Variants in SIPA1 observed in about 807,000 individuals in gnomAD.
The protein encoded by SIPA1 is signal-induced proliferation-associated protein 1.
In SIPA1, 51 loss-of-function variants were observed where a neutral mutation model predicts 88.1. The observed-to-expected ratio is 0.58, with a 90% CI of 0.46 to 0.73. SIPA1 has a LOEUF of 0.73. Ranked by LOEUF, SIPA1 falls within the 30% of genes least tolerant of loss-of-function variation. The pLI, the probability that SIPA1 is intolerant of heterozygous loss-of-function variation, is 0.00. For missense variants in SIPA1, 1,348 were observed against 1,467.6 expected (o/e 0.92, Z 1.33); for synonymous variants, 681 against 664.8 (o/e 1.02, Z -0.37).
chr11:65,648,889 C>T (rs1856193024), intron 9 of SIPA1, among the ~76,000 whole-genome samples: 1 of 151,802 alleles, frequency 6.6e-6, no homozygotes. Flanking sequence ...GAAACTGGCA[C>T]ATCTGCTTTA....
intron 4 of SIPA1, 124 bp from the exon 5 acceptor site, chr11:65,644,831 G>C: frequency 1.1e-6 from 1 of 944,820 alleles, no homozygotes; most frequent in Non-Finnish European, 1.6e-6. Flanking sequence ...TGACAGGCAA[G>C]GGCACAAGTG....
chr11:65,646,252 T>C lies in SIPA1; in HGVS notation c.1295T>C (p.Ile432Thr). The change falls in exon 7 of 16, where the codon ATT becomes ACT. Residue 432 changes from isoleucine to threonine, a missense_variant. By Grantham distance (89) the Ile-to-Thr change is moderately conservative (BLOSUM62 -1). Transcript: ENST00000534313. The surrounding 1 kb of genome is among the most constrained non-coding windows in gnomAD (Gnocchi z 7.5). The part of the protein sequence containing the change: ...LLRKRHIGND[I>T]VTIVFQEPGS... The stretch of plus-strand genomic sequence containing the variant: ...CGGAAGCGCCACATTGGCAACGACA[T>C]TGTGACCATCGTGTTCCAGGAGCCT... 6.2e-7 allele frequency: 1 copy of C among 1,614,108 alleles called. No homozygotes were observed. The highest frequency in any genetic ancestry group is 8.5e-7 in the Non-Finnish European group (1 of 1,179,984).
Position 65,649,799 on chromosome 11 carries a change from C to A in SIPA1, c.2680C>A (p.Pro894Thr). Residue 894 changes from proline to threonine, a missense_variant, in exon 12 of 16, where the codon CCG (proline) becomes ACG (threonine). By Grantham distance (38) the Pro-to-Thr change is conservative. Transcript: ENST00000534313. ...SPSGSEDKGN[P>T]APELRASFLP... ...CAGTGGCTCTGAGGACAAGGGCAAC[C>A]CGGCGCCGGAGCTGAGGGCCTCCTT... 1 of 1,614,082 alleles carries A rather than the reference C, an allele frequency of 6.2e-7. No individual in the cohort carries two copies. The highest frequency in any genetic ancestry group is 8.5e-7 in the Non-Finnish European group (1 of 1,180,044).
Position 65,649,300 on chromosome 11 carries a change from C to T in SIPA1, c.2345C>T (p.Pro782Leu), listed in dbSNP as rs1404275816. 6.4e-7 allele frequency: 1 copy of T among 1,553,980 alleles called. No homozygotes were observed. The change falls in exon 10 of 16, where the codon CCT becomes CTT. Residue 782 changes from proline (P) to leucine (L), a missense_variant. Coordinates refer to ENST00000534313, the MANE Select transcript of SIPA1 (RefSeq NM_006747.4). ...CTGTACACGCTGTCGCTGCAGGAGC[C>T]TAGCCGGCGGGGGGCCCCAGATCCT... ...SELYTLSLQE[P>L]SRRGAPDPVQ...
At chr11:65,638,883 G>A (rs549351378) in intron 1 of SIPA1, among the ~76,000 whole-genome samples, 2 of 152,182 alleles carry the variant, frequency 1.3e-5, no homozygotes, top group Non-Finnish European at 2.9e-5. Context: ...ACTTCCAAGC[G>A]TGCAGAGCTC....
In SIPA1 at chr11:65,650,651, G is replaced by A. The variant is rs934903924; in HGVS notation, c.3065G>A (p.Ser1022Asn). The A allele has an allele frequency of 1.3e-6, 2 of 1,574,742 alleles. No individual in the cohort carries two copies. The highest frequency in any genetic ancestry group is 4.7e-5 in the East Asian group (2 of 42,698). ...CGGCGGCTGCAGGCGGAGTCTGAGA[G>A]TGCAGCCACACGCCTCCTCCTGGCC... The part of the protein sequence containing the change: ...NNRRLQAESE[S>N]AATRLLLASK... The change falls in exon 16 of 16, where the codon AGT becomes AAT. Residue 1022 changes from serine (S) to asparagine (N), a missense_variant. Coordinates refer to ENST00000534313, the MANE Select transcript of SIPA1 (RefSeq NM_006747.4).
chr11:65,642,376 A>G lies in SIPA1; in HGVS notation c.806A>G (p.Gln269Arg). The change falls in exon 3 of 16, where the codon CAG (glutamine) becomes CGG (arginine). Residue 269 changes from glutamine to arginine, a missense_variant and splice_region_variant. This residue lies in a region of SIPA1 where 641 missense variants were observed against 797.7 expected (regional missense o/e 0.80). Coordinates refer to ENST00000534313, the MANE Select transcript of SIPA1 (RefSeq NM_006747.4). This position sits in a 1 kb window ranked among gnomAD's most constrained non-coding sequence, Gnocchi z 6.5. ...TACCGCGTCATCGTGCGGACCACGC[A>G]GGTGGGCCGGGATCGCGGGATCAGG... Reference protein sequence around the residue: ...HSYRVIVRTTQLRTLRGTISE... With the variant: ...HSYRVIVRTTRLRTLRGTISE... 1 of 1,583,754 alleles carries G rather than the reference A, an allele frequency of 6.3e-7. No individual in the cohort carries two copies. The highest frequency in any genetic ancestry group is 8.6e-7 in the Non-Finnish European group (1 of 1,164,020).
Position 65,646,749 on chromosome 11 carries a change from G to T in SIPA1, c.1715G>T (p.Gly572Val). 6.6e-7 allele frequency: 1 copy of T among 1,506,916 alleles called. No homozygotes were observed. Among genetic ancestry groups the T allele is most frequent in the African/African-American group, 1.4e-5 (1 of 70,854 alleles). The allele number at this position is 1,506,916 out of a possible 1,614,324, so 93.3% of individuals were successfully genotyped here. A position where few individuals can be genotyped will look rare whatever the true frequency, so the allele number is the denominator to read the frequency against. ...CGCCGGGCGGCCCCTCGGGGCCCAG[G>T]CGCCGAGCTGCAGGCAGCGGGCTCA... Reference protein sequence around the residue: ...GRRRAAPRGPGAELQAAGSLV... With the variant: ...GRRRAAPRGPVAELQAAGSLV... Residue 572 changes from glycine to valine, a missense_variant, in exon 8 of 16, where the codon GGC (glycine) becomes GTC (valine). Gly to Val is a moderately radical substitution (Grantham distance 109). Transcript: ENST00000534313. The surrounding 1 kb of genome is among the most constrained non-coding windows in gnomAD (Gnocchi z 7.5).
intron 2 of SIPA1, among the ~76,000 whole-genome samples, chr11:65,641,946 C>G (rs1272454767): frequency 2.6e-5 from 4 of 152,158 alleles, no homozygotes; most frequent in African/African-American, 9.7e-5. Flanking sequence ...TTGTTCGCAC[C>G]AGCACTGCGG....
Position 65,647,076 on chromosome 11 carries a change from G to GTT in SIPA1, c.2031+12_2031+13insTT, listed in dbSNP as rs1185670351. Reference sequence around the variant, plus strand: ...GTGGCGCGCCTGCAGGTGAGCTGGAGTGGTAAACTGGGGCCCCTGCGCGCG... The same window carrying GTT: ...GTGGCGCGCCTGCAGGTGAGCTGGAGTTTGGTAAACTGGGGCCCCTGCGCGCG... On this transcript the variant is annotated intron_variant, in intron 8 of 15. Transcript: ENST00000534313. 6.6e-7 allele frequency: 1 copy of GTT among 1,519,496 alleles called. No homozygotes were observed. Among genetic ancestry groups the GTT allele is most frequent in the Non-Finnish European group, 8.8e-7 (1 of 1,139,298 alleles). The allele number at this position is 1,519,496 out of a possible 1,614,324, so 94.1% of individuals were successfully genotyped here.
rs1381559282 is a variant in SIPA1, at chr11:65,640,875, G to A, written c.-47G>A. 1.2e-5 allele frequency: 17 copies of A among 1,428,216 alleles called. No individual in the cohort carries two copies. Among genetic ancestry groups the A allele is most frequent in the South Asian group, 7.3e-5 (5 of 68,032 alleles). The allele number at this position is 1,428,216 out of a possible 1,614,324, so 88.5% of individuals were successfully genotyped here. A position where few individuals can be genotyped will look rare whatever the true frequency, so the allele number is the denominator to read the frequency against. On this transcript the variant is annotated 5_prime_UTR_variant, in exon 2 of 16. It adds an upstream start codon to the 5' untranslated region. Transcript: ENST00000534313. ...ACCTCAGGCTGGGCACCAAACACCCGTGCCCGCCAATGCGGCCCAGCCCCC... is the reference window on the plus strand; with the variant it reads ...ACCTCAGGCTGGGCACCAAACACCCATGCCCGCCAATGCGGCCCAGCCCCC...
chr11:65,648,799 G>A (rs1856190274), intron 9 of SIPA1, among the ~76,000 whole-genome samples: 1 of 151,066 alleles, frequency 6.6e-6, no homozygotes, highest in South Asian at 2.1e-4. Context: ...TCGCGCCATT[G>A]CACTCCAGCC....
chr11:65,645,854 C>G lies in SIPA1; in HGVS notation c.1160C>G (p.Thr387Arg). 6.2e-7 allele frequency: 1 copy of G among 1,606,270 alleles called. No homozygotes were observed. Among genetic ancestry groups the G allele is most frequent in the Admixed American group, 1.7e-5 (1 of 59,600 alleles). Residue 387 changes from threonine (T) to arginine (R), a missense_variant and splice_region_variant, in exon 6 of 16, where the codon ACG becomes AGG. Thr to Arg is a moderately conservative substitution (Grantham distance 71). Around this residue, in one of 4 missense-constraint regions of SIPA1, gnomAD observed 641 missense variants for 797.7 expected, o/e 0.80. Coordinates refer to ENST00000534313, the MANE Select transcript of SIPA1 (RefSeq NM_006747.4). ...TGTGTCCCTAACTTCCTGGCCACAG[C>G]GGATTCCACAGGCACGCACTCCCTC... ...ESYRAQLDTK[T>R]DSTGTHSLYT...
Position 65,645,854 on chromosome 11 carries a change from C to T in SIPA1, c.1160C>T (p.Thr387Met), listed in dbSNP as rs758659912. Residue 387 changes from threonine (T) to methionine (M), a missense_variant and splice_region_variant, in exon 6 of 16, where the codon ACG becomes ATG. Transcript: ENST00000534313. ...ESYRAQLDTK[T>M]DSTGTHSLYT... ...TGTGTCCCTAACTTCCTGGCCACAG[C>T]GGATTCCACAGGCACGCACTCCCTC... 19 of 1,606,154 alleles carry T rather than the reference C, an allele frequency of 1.2e-5. No individual in the cohort carries two copies. The highest frequency in any genetic ancestry group is 3.3e-4 in the Middle Eastern group (2 of 6,056).
chr11:65,643,631 G>A (rs1429250361), intron 4 of SIPA1, among the ~76,000 whole-genome samples: 1 of 152,210 alleles, frequency 6.6e-6, no homozygotes, highest in East Asian at 1.9e-4. Flanking sequence ...GGGCTGCCTG[G>A]GCCACGACGG....
intron 9 of SIPA1, among the ~76,000 whole-genome samples, chr11:65,648,542 G>A (rs1856183828): frequency 6.6e-6 from 1 of 152,078 alleles, no homozygotes; most frequent in African/African-American, 2.4e-5. Context: ...AGTTAAAAAT[G>A]TAAAATCCGG....
rs963001315 is a variant in SIPA1, at chr11:65,647,750, A to G, written c.2306+92A>G. ...CCGGGTCGCCATCAGCAGTTTCAGG[A>G]ACCCAGTGTGGATACCTTTCCTTCT... is the stretch of plus-strand genomic sequence containing the variant. On this transcript the variant is annotated intron_variant, in intron 9 of 15. Transcript: ENST00000534313. 2.9e-6 allele frequency: 3 copies of G among 1,046,418 alleles called. No homozygotes were observed. The African/African-American group carries it at 5.1e-5, about 18-fold the overall frequency. The allele number at this position is 1,046,418 out of a possible 1,614,324, so 64.8% of individuals were successfully genotyped here.
Position 65,642,925 on chromosome 11 carries a change from A to ATTTTTTTTT in SIPA1, c.984+289_984+290insTTTTTTTTT, listed in dbSNP as rs2135512856. ...ACTTTATTTATTTATTTATTTATTT[A>ATTTTTTTTT]TTTATTTTGAGATGGAGTCTCGCTC... On this transcript the variant is annotated intron_variant, in intron 4 of 15. Transcript: ENST00000534313. The surrounding 1 kb of genome is among the most constrained non-coding windows in gnomAD (Gnocchi z 6.5). Among the ~76,000 whole-genome samples, 1 of 151,594 alleles carries ATTTTTTTTT rather than the reference A, an allele frequency of 6.6e-6. No homozygotes were observed. Among genetic ancestry groups the ATTTTTTTTT allele is most frequent in the East Asian group, 1.9e-4 (1 of 5,168 alleles).
Position 65,646,979 on chromosome 11 carries a change from C to G in SIPA1, c.1945C>G (p.Leu649Val). ...AWTFSEQQLD[L>V]YHGRGEAITL... ...GACCTTCTCCGAGCAGCAGCTGGACCTGTACCACGGCCGCGGGGAGGCGAT... is the reference window on the plus strand; with the variant it reads ...GACCTTCTCCGAGCAGCAGCTGGACGTGTACCACGGCCGCGGGGAGGCGAT... Residue 649 changes from leucine (L) to valine (V), a missense_variant, in exon 8 of 16, where the codon CTG (leucine) becomes GTG (valine). By Grantham distance (32) the Leu-to-Val change is conservative. Around this residue, in one of 4 missense-constraint regions of SIPA1, gnomAD observed 615 missense variants for 559.8 expected, o/e 1.10. Transcript: ENST00000534313. The surrounding 1 kb of genome is among the most constrained non-coding windows in gnomAD (Gnocchi z 7.5). 6.5e-7 allele frequency: 1 copy of G among 1,540,376 alleles called. No individual in the cohort carries two copies. The highest frequency in any genetic ancestry group is 8.7e-7 in the Non-Finnish European group (1 of 1,148,770).
Sources: gnomAD v4.1 joint callset for allele counts (sites outside exome capture counted in the v4.1 genomes callset) on GRCh38, gnomAD v4.1.1 for gene constraint, gnomAD v4.1.1 regional missense constraint, Gnocchi (gnomAD v3.1) non-coding constraint, MANE v1.5 for transcripts, NCBI Gene and HGNC (gene_info 2026-07-23, HGNC 2026-07-21) for gene names.